Variants in VWF observed in about 807,000 individuals in gnomAD.
VWF encodes the protein von Willebrand factor, also known as Factor VIII related antigen.
A neutral mutation model predicts 308.6 loss-of-function variants in VWF; 176 were observed. The ratio of observed to expected loss-of-function variants is 0.57; its 90% CI spans 0.50 to 0.65. The LOEUF is 0.65. Ranked by LOEUF, VWF falls within the 30% of genes least tolerant of loss-of-function variation. VWF has a pLI of 0.00. For synonymous variants in VWF, 1,385 were observed against 1,443.4 expected (o/e 0.96, Z 0.92); for missense variants, 3,146 against 3,648.2 (o/e 0.86, Z 3.55).
In VWF at chr12:5,993,996, G is replaced by C; in HGVS notation, c.6464C>G (p.Ala2155Gly). 6.2e-7 allele frequency: 1 copy of C among 1,614,196 alleles called. No individual in the cohort carries two copies. Among genetic ancestry groups the C allele is most frequent in the Non-Finnish European group, 8.5e-7 (1 of 1,180,044 alleles). Residue 2155 changes from alanine to glycine, a missense_variant, in exon 37 of 52, where the codon GCT (alanine) becomes GGT (glycine). Physicochemically the swap from Ala to Gly is moderately conservative, Grantham distance 60 (BLOSUM62 0). Around this residue, in one of 3 missense-constraint regions of VWF, gnomAD observed 989 missense variants for 1,117.4 expected, o/e 0.89. Coordinates refer to ENST00000261405, the MANE Select transcript of VWF (RefSeq NM_000552.5). ...PLFAECHKVL[A>G]PATFYAICQQ... is the part of the protein sequence containing the mutation. ...GCAGATGGCATAGAATGTGGCTGGAGCCAGGACCTTGTGGCATTCAGCAAA... is the reference window on the plus strand; with the variant it reads ...GCAGATGGCATAGAATGTGGCTGGACCCAGGACCTTGTGGCATTCAGCAAA...
chr12:5,963,741 A>G (rs141442931), intron 47 of VWF, among the ~76,000 whole-genome samples: 271 of 152,288 alleles, frequency 1.8e-3, no homozygotes, highest in Non-Finnish European at 3.1e-3. Context: ...AAGTGGTGCA[A>G]TCATAGCTCA....
chr12:6,091,211 A>G (rs1287024404), intron 6 of VWF, among the ~76,000 whole-genome samples: 1 of 138,558 alleles, frequency 7.2e-6, no homozygotes, highest in African/African-American at 2.6e-5. Flanking sequence ...CAGAGGTCAA[A>G]TTGTTCCATG....
At chr12:6,107,082 G>A (rs773555244) in intron 5 of VWF, among the ~76,000 whole-genome samples, 16 of 151,986 alleles carry the variant, frequency 1.1e-4, no homozygotes, top group Non-Finnish European at 2.4e-4. Context: ...CAATAAATAG[G>A]AACAAACTAC....
Position 6,017,008 on chromosome 12 carries a change from G to A in VWF, c.5054-138C>T, listed in dbSNP as rs370918155. 812 of 881,890 alleles carry A rather than the reference G, an allele frequency of 9.2e-4. 4 individuals are homozygous for A. The highest frequency in any genetic ancestry group is 6.6e-3 in the South Asian group (497 of 75,356). The allele number at this position is 881,890 out of a possible 1,614,324, so 54.6% of individuals were successfully genotyped here. On this transcript the variant is annotated intron_variant, in intron 28 of 51. Transcript: ENST00000261405. Reference sequence around the variant, plus strand: ...ACCAAGGGGGGCGGGGGGTGCCTTCGTGAGTACAAGGGCAATGTGGGCCAG... The same window carrying A: ...ACCAAGGGGGGCGGGGGGTGCCTTCATGAGTACAAGGGCAATGTGGGCCAG...
rs367937026 is a variant in VWF at position 6,052,815 on chromosome 12, G to T, written c.1946-32C>A. ...GAGAGAGGAGAAGTAAGGCCTCAGC[G>T]GGAATGTTGGACAGCAAGGACTGTG... On this transcript the variant is annotated intron_variant, in intron 15 of 51. Transcript: ENST00000261405. The T allele has an allele frequency of 8.7e-6, 14 of 1,602,116 alleles. No homozygotes were observed. In the South Asian group the frequency reaches 1.6e-4, roughly 18 times the overall value.
intron 42 of VWF, among the ~76,000 whole-genome samples, chr12:5,980,087 AAAGAAAGGAAGGAAGG>A (rs1419127380): frequency 0.025 from 1,998 of 78,382 alleles, 95 homozygotes; most frequent in African/African-American, 0.074. Flanking sequence ...GAAAGAAAAG[AAAGAAAGGAAGGAAGG>A]AAGGAAGGAA....
At chr12:6,068,830 T>TGCGTGTGTG (rs1280885022) in intron 10 of VWF, among the ~76,000 whole-genome samples, 8 of 121,990 alleles carry the variant, frequency 6.6e-5, no homozygotes, top group Middle Eastern at 4.0e-3. Flanking sequence ...TTTTTTTTTT[T>TGCGTGTGTG]TTTGCGTGTG....
chr12:5,998,599 T>C (rs2136390923), intron 34 of VWF, among the ~76,000 whole-genome samples: 1 of 145,180 alleles, frequency 6.9e-6, no homozygotes, highest in East Asian at 2.0e-4. Flanking sequence ...CAAATAAATA[T>C]GTAGGGAGAT....
intron 50 of VWF, among the ~76,000 whole-genome samples, chr12:5,951,346 ATGTGGGC>A (rs1236826455): frequency 2.6e-5 from 4 of 152,144 alleles, no homozygotes; most frequent in African/African-American, 9.7e-5. Flanking sequence ...CCCACAGCAC[ATGTGGGC>A]TGTTGTCAGC....
chr12:6,076,628 A>T (rs1403468350), intron 6 of VWF, among the ~76,000 whole-genome samples: 1 of 152,244 alleles, frequency 6.6e-6, no homozygotes, highest in Non-Finnish European at 1.5e-5. Context: ...AAAAAGAAAA[A>T]AGTGCAAGAA....
At chr12:5,983,419 A>ATAGATAGATAGAT (rs1307348978) in intron 40 of VWF, among the ~76,000 whole-genome samples, 165 bp from the exon 41 acceptor site, 1 of 152,036 alleles carries the variant, frequency 6.6e-6, no homozygotes, top group Non-Finnish European at 1.5e-5. Flanking sequence ...AGATAGATAG[A>ATAGATAGATAGAT]TAGATAGATA....
Position 5,996,026 on chromosome 12 carries a change from G to A in VWF, c.6039C>T (p.Ser2013=), listed in dbSNP as rs200034511. 1.1e-5 allele frequency: 17 copies of A among 1,613,044 alleles called. No homozygotes were observed. Among genetic ancestry groups the A allele is most frequent in the Admixed American group, 3.3e-5 (2 of 60,004 alleles). ...CCTCCATGTCACTGTGCAGCTCGAC[G>A]GAGAGGGCACTGTGCTTCACCTCGA... The part of the protein sequence containing the change: ...KSIEVKHSAL[S]VELHSDMEVT... Residue 2013 remains serine, a synonymous_variant, in exon 35 of 52, where the codon TCC becomes TCT. Coordinates refer to ENST00000261405, the MANE Select transcript of VWF (RefSeq NM_000552.5).
At chr12:6,113,105 G>A (rs1945327976) in intron 3 of VWF, among the ~76,000 whole-genome samples, 1 of 152,100 alleles carries the variant, frequency 6.6e-6, no homozygotes, top group South Asian at 2.1e-4. Flanking sequence ...CAACACAACT[G>A]GGAGAAAATG....
chr12:6,075,621 G>T lies in VWF; in HGVS notation c.658-70C>A. ...TCCCTGAGTGTGGCACTGAGACTTA[G>T]CCCTGCTAGGGAAACCAAGGCAGCT... On this transcript the variant is annotated intron_variant, in intron 6 of 51. Coordinates refer to ENST00000261405, the MANE Select transcript of VWF (RefSeq NM_000552.5). The surrounding 1 kb of genome is among the most constrained non-coding windows in gnomAD (Gnocchi z 4.7). 6.5e-7 allele frequency: 1 copy of T among 1,537,454 alleles called. No homozygotes were observed.
chr12:6,080,281 A>G (rs1427708994), intron 6 of VWF, among the ~76,000 whole-genome samples: 1 of 152,212 alleles, frequency 6.6e-6, no homozygotes, highest in African/African-American at 2.4e-5. Flanking sequence ...ATCAAACCTA[A>G]CAGTGATGAA....
rs116424062 is a variant in VWF, at chr12:5,987,713, G to A, written c.6799-2048C>T. ...AGCATCATGGATGAATCCCAAAAGC[G>A]TTATGCTGGGTGAAGGAAGCCAGGC... On this transcript the variant is annotated intron_variant, in intron 38 of 51. Transcript: ENST00000261405. 1.0e-3 allele frequency among the ~76,000 whole-genome samples: 159 copies of A among 152,320 alleles called. 2 individuals are homozygous for A. The highest frequency in any genetic ancestry group is 3.7e-3 in the African/African-American group (155 of 41,570).
chr12:6,007,575 A>G (rs1943943095), intron 34 of VWF, among the ~76,000 whole-genome samples: 1 of 152,208 alleles, frequency 6.6e-6, no homozygotes, highest in Non-Finnish European at 1.5e-5. Context: ...AGCAAAAGCA[A>G]TAAAAGGAAA....
chr12:6,034,181 AAAGCCATATCGTGGG>A (rs1944305912), intron 20 of VWF, among the ~76,000 whole-genome samples: 1 of 152,134 alleles, frequency 6.6e-6, no homozygotes, highest in African/African-American at 2.4e-5. Flanking sequence ...AGAATTCCAC[AAAGCCATATCGTGGG>A]AAGCAAACTC....
intron 34 of VWF, among the ~76,000 whole-genome samples, chr12:6,003,941 G>A (rs1211093066): frequency 1.3e-5 from 2 of 150,260 alleles, no homozygotes; most frequent in East Asian, 2.0e-4. Flanking sequence ...TCAGCCTCCC[G>A]AGTAACTGGA....
Sources: gnomAD v4.1 joint callset for allele counts (sites outside exome capture counted in the v4.1 genomes callset) on GRCh38, gnomAD v4.1.1 for gene constraint, gnomAD v4.1.1 regional missense constraint, Gnocchi (gnomAD v3.1) non-coding constraint, MANE v1.5 for transcripts, NCBI Gene and HGNC (gene_info 2026-07-23, HGNC 2026-07-21) for gene names.